Variants in CAST observed in about 807,000 individuals in gnomAD.
CAST encodes MIR583 host.
Under a neutral mutation model 119.6 loss-of-function variants are expected in CAST, and 76 were observed. That is an observed-to-expected ratio of 0.64 (90% CI 0.53 to 0.77). The LOEUF is 0.77. Among genes scored for constraint, CAST ranks in the 30% least tolerant of loss-of-function variants. CAST has a pLI of 0.00. For synonymous variants in CAST, 319 were observed against 331.6 expected, an observed-to-expected ratio of 0.96 and a Z score of 0.41; for missense variants, 953 against 946.5, an observed-to-expected ratio of 1.01 and a Z score of -0.09.
chr5:96,054,694 C>T, the CAST span, among the ~76,000 whole-genome samples: 1 of 152,142 alleles, frequency 6.6e-6, no homozygotes. Context: ...TATGTGAAAA[C>T]ACTTTGAAAT....
chr5:96,037,982 G>A, the CAST span, among the ~76,000 whole-genome samples: 43 of 152,288 alleles, frequency 2.8e-4, no homozygotes, highest in Middle Eastern at 3.4e-3. Context: ...ATGTTACAGT[G>A]TAACTGTGGA....
At chr5:96,345,962 A>G in the CAST span, among the ~76,000 whole-genome samples, 1 of 152,300 alleles carries the variant, frequency 6.6e-6, no homozygotes, top group East Asian at 1.9e-4. Flanking sequence ...TGGAAGCAAA[A>G]GTAGGGAGGA....
intron 1 of CAST, among the ~76,000 whole-genome samples, chr5:96,553,154 A>C (rs938497125): frequency 6.6e-6 from 1 of 152,240 alleles, no homozygotes; most frequent in Admixed American, 6.5e-5. Context: ...TCTATGGGAA[A>C]ATCCTCAATA....
chr5:96,170,153 C>T, the CAST span, among the ~76,000 whole-genome samples: 13 of 152,190 alleles, frequency 8.5e-5, no homozygotes, highest in African/African-American at 3.1e-4. Flanking sequence ...CATCGGTCTT[C>T]AGCCGCTAAG....
chr5:96,197,151 G>A, the CAST span, among the ~76,000 whole-genome samples: 19,298 of 152,192 alleles, frequency 0.13, 1,669 homozygotes, highest in African/African-American at 0.22. Context: ...ACCGGGTTAG[G>A]TGATAGGTCA....
At chr5:96,326,081 C>T in the CAST span, among the ~76,000 whole-genome samples, 2 of 152,182 alleles carry the variant, frequency 1.3e-5, no homozygotes, top group Non-Finnish European at 2.9e-5. Context: ...GGATATCATC[C>T]ACATGACTTT....
chr5:96,438,213 C>A, the CAST span, among the ~76,000 whole-genome samples: 149 of 152,188 alleles, frequency 9.8e-4, no homozygotes, highest in Admixed American at 4.1e-3. Context: ...ATTTTTCCAA[C>A]TTTTTATTTT....
intron 1 of CAST, among the ~76,000 whole-genome samples, chr5:96,603,993 G>A (rs1383077985): frequency 6.6e-6 from 1 of 151,962 alleles, no homozygotes; most frequent in Non-Finnish European, 1.5e-5. Flanking sequence ...TTGTATTCCT[G>A]TGCTCAAGCA....
intron 22 of CAST, among the ~76,000 whole-genome samples, chr5:96,755,652 T>C (rs573897457): frequency 6.6e-6 from 1 of 152,360 alleles, no homozygotes; most frequent in South Asian, 2.1e-4. Context: ...TTAACAATTC[T>C]AGAAAATCAA....
chr5:96,763,368 G>GTGCAACA, intron 25 of CAST: 1 of 711,022 alleles, frequency 1.4e-6, no homozygotes, highest in Non-Finnish European at 2.6e-6. Context: ...GCATGTGCAT[G>GTGCAACA]TGCATGTGTG....
At chr5:96,314,982 A>G in the CAST span, among the ~76,000 whole-genome samples, 1 of 152,216 alleles carries the variant, frequency 6.6e-6, no homozygotes, top group African/African-American at 2.4e-5. Flanking sequence ...GAAGCCATTT[A>G]TATATTAATA....
At chr5:96,338,979 C>T in the CAST span, among the ~76,000 whole-genome samples, 1 of 152,114 alleles carries the variant, frequency 6.6e-6, no homozygotes, top group South Asian at 2.1e-4. Context: ...GCACTCTGCT[C>T]CATTTCAGTA....
chr5:96,497,474 C>T, the CAST span, among the ~76,000 whole-genome samples: 1 of 152,008 alleles, frequency 6.6e-6, no homozygotes, highest in African/African-American at 2.4e-5. Context: ...TACAGTCCCA[C>T]CAACAGTGTA....
At chr5:96,204,039 C>T in the CAST span, among the ~76,000 whole-genome samples, 2 of 152,090 alleles carry the variant, frequency 1.3e-5, no homozygotes, top group African/African-American at 2.4e-5. Context: ...CTATTTCAGG[C>T]TTCTAATGAA....
At chr5:96,380,488 G>A in the CAST span, among the ~76,000 whole-genome samples, 3 of 151,920 alleles carry the variant, frequency 2.0e-5, no homozygotes, top group Non-Finnish European at 4.4e-5. Flanking sequence ...CTTTTTCATC[G>A]AACATCATTT....
intron 1 of CAST, among the ~76,000 whole-genome samples, chr5:96,552,029 G>A (rs1746140330): frequency 6.6e-6 from 1 of 152,098 alleles, no homozygotes; most frequent in African/African-American, 2.4e-5. Flanking sequence ...AATTAACAGG[G>A]ATATCCACGA....
chr5:96,207,453 T>C, the CAST span, among the ~76,000 whole-genome samples: 1 of 152,100 alleles, frequency 6.6e-6, no homozygotes, highest in Non-Finnish European at 1.5e-5. Flanking sequence ...TAGATAGCCC[T>C]TATTATTTTG....
At chr5:96,546,995 C>G (rs547477578) in intron 1 of CAST, among the ~76,000 whole-genome samples, 150 of 152,198 alleles carry the variant, frequency 9.9e-4, no homozygotes, top group African/African-American at 3.5e-3. Flanking sequence ...CAATACCACA[C>G]CAGGTAAAAG....
chr5:96,123,656 T>C, the CAST span, among the ~76,000 whole-genome samples: 1 of 152,192 alleles, frequency 6.6e-6, no homozygotes, highest in East Asian at 1.9e-4. Flanking sequence ...GGCTTTTTAC[T>C]GGGTACAACT....
Sources: gnomAD v4.1 joint callset for allele counts (sites outside exome capture counted in the v4.1 genomes callset) on GRCh38, gnomAD v4.1.1 for gene constraint, MANE v1.5 for transcripts, NCBI Gene and HGNC (gene_info 2026-07-23, HGNC 2026-07-21) for gene names.